The following TLR10 variants were observed in gnomAD, a reference collection of about 807,000 sequenced individuals.
The protein encoded by TLR10 is toll like receptor 10.
For synonymous variants in TLR10, 288 were observed against 338.8 expected (o/e 0.85, Z 1.65); for missense variants, 929 against 932.9 (o/e 1.00, Z 0.05).
chr4:38,781,980 C>G (rs1248546225), intron 1 of TLR10, among the ~76,000 whole-genome samples: 1 of 152,158 alleles, frequency 6.6e-6, no homozygotes, highest in East Asian at 1.9e-4. Context: ...CCCAAGATGA[C>G]CAACTGAAGA....
intron 1 of TLR10, among the ~76,000 whole-genome samples, chr4:38,777,295 GGA>G (rs200294965): frequency 1.3e-3 from 202 of 152,180 alleles, no homozygotes; most frequent in African/African-American, 4.6e-3. Context: ...AGAGTATTTT[GGA>G]GAGAGAGAGA....
At chr4:38,781,297 T>C (rs916769202) in intron 1 of TLR10, among the ~76,000 whole-genome samples, 1 of 152,122 alleles carries the variant, frequency 6.6e-6, no homozygotes, top group African/African-American at 2.4e-5. Flanking sequence ...TGAGCCACTG[T>C]GCTTGGCCTC....
At chr4:38,778,301 A>G (rs931988907) in intron 1 of TLR10, among the ~76,000 whole-genome samples, 1 of 152,096 alleles carries the variant, frequency 6.6e-6, no homozygotes, top group Non-Finnish European at 1.5e-5. Flanking sequence ...GGGCTAGGGG[A>G]GGAATAGCAT....
rs1724780660 is a variant in TLR10, at chr4:38,773,473, G to A, written c.2118C>T (p.Cys706=). The A allele has an allele frequency of 6.2e-7, 1 of 1,612,022 alleles. No individual in the cohort carries two copies. The highest frequency in any genetic ancestry group is 1.1e-5 in the South Asian group (1 of 90,694). ...GGTGGGCAAAGTAGAATTCATAATG[G>A]CACCACTCATTCTGGACAAAGTTGG... ...LSPNFVQNEW[C]HYEFYFAHHN... The change falls in exon 4 of 4, where the codon TGC becomes TGT. Residue 706 remains cysteine, a synonymous_variant. Coordinates refer to ENST00000308973, the MANE Select transcript of TLR10 (RefSeq NM_030956.4).
In TLR10 at chr4:38,775,541, G is replaced by T. The variant is rs1170355344; in HGVS notation, c.50C>A (p.Ala17Glu). 6.2e-7 allele frequency: 1 copy of T among 1,613,686 alleles called. No homozygotes were observed. Among genetic ancestry groups the T allele is most frequent in the Non-Finnish European group, 8.5e-7 (1 of 1,179,936 alleles). Residue 17 changes from alanine (A) to glutamate (E), a missense_variant, in exon 4 of 4, where the codon GCA becomes GAA. Physicochemically the swap from Ala to Glu is moderately radical, Grantham distance 107. Transcript: ENST00000308973. ...TGGCAGCTCTGGAGCATCACCCTCTGCTGTCATAACAATACTACAAAATAT... is the reference window on the plus strand; with the variant it reads ...TGGCAGCTCTGGAGCATCACCCTCTTCTGTCATAACAATACTACAAAATAT... ...IYIFCSIVMT[A>E]EGDAPELPEE...
At position 38,774,614 on chromosome 4, in the gene TLR10, A is replaced by G. The variant is rs11466653; in HGVS notation, c.977T>C (p.Met326Thr). Reference protein sequence around the residue: ...QDKIYLLLTKMDIENLTISNA... With the variant: ...QDKIYLLLTKTDIENLTISNA... Reference sequence around the variant, plus strand: ...TGATATTGTCAGGTTTTCTATGTCCATTTTGGTCAAAAGCAAATAGATTTT... The same window carrying G: ...TGATATTGTCAGGTTTTCTATGTCCGTTTTGGTCAAAAGCAAATAGATTTT... Residue 326 changes from methionine to threonine, a missense_variant, in exon 4 of 4, where the codon ATG becomes ACG. Physicochemically the swap from Met to Thr is moderately conservative, Grantham distance 81. Transcript: ENST00000308973. The G allele has an allele frequency of 0.041, 65,505 of 1,588,362 alleles. 2,771 individuals carry two copies. The highest frequency in any genetic ancestry group is 0.16 in the South Asian group (13,355 of 85,878).
chr4:38,782,840 T>G (rs1725491305), intron 1 of TLR10, 81 bp downstream of exon 1: 1 of 152,206 alleles, frequency 6.6e-6, no homozygotes, highest in Non-Finnish European at 1.5e-5. Context: ...TTAGCTCAAA[T>G]TATCTCCTTT....
intron 1 of TLR10, among the ~76,000 whole-genome samples, chr4:38,781,853 G>A (rs1348996831): frequency 2.0e-5 from 3 of 152,168 alleles, no homozygotes; most frequent in Non-Finnish European, 4.4e-5. Context: ...CTGACATGGA[G>A]CTAAGTGTTT....
chr4:38,773,910 C>G lies in TLR10; in HGVS notation c.1681G>C (p.Gly561Arg). 1 of 1,591,174 alleles carries G rather than the reference C, an allele frequency of 6.3e-7. No individual in the cohort carries two copies. The highest frequency in any genetic ancestry group is 1.3e-5 in the African/African-American group (1 of 74,300). ...YTCEYPLNLR[G>R]TRLKDVHLHE... ...AGATGAACGTCTTTTAACCTAGTTC[C>G]CCTTAGGTTTAAAGGGTATTCACAG... Residue 561 changes from glycine to arginine, a missense_variant, in exon 4 of 4, where the codon GGA becomes CGA. By Grantham distance (125) the Gly-to-Arg change is moderately radical. Transcript: ENST00000308973.
In TLR10 at chr4:38,774,931, T is replaced by G; in HGVS notation, c.660A>C (p.Thr220=). The G allele has an allele frequency of 6.2e-7, 1 of 1,612,458 alleles. No individual in the cohort carries two copies. The highest frequency in any genetic ancestry group is 1.1e-5 in the South Asian group (1 of 90,400). The part of the protein sequence containing the change: ...GIKTSKILEM[T]NIDGKSQFVS... ...CAAATTGGCTTTTGCCATCTATATT[T>G]GTCATTTCTAATATTTTTGAAGTCT... Residue 220 remains threonine, a synonymous_variant, in exon 4 of 4, where the codon ACA becomes ACC. Coordinates refer to ENST00000308973, the MANE Select transcript of TLR10 (RefSeq NM_030956.4).
At position 38,774,476 on chromosome 4, in the gene TLR10, G is replaced by A. The variant is rs1241470964; in HGVS notation, c.1115C>T (p.Pro372Leu). The A allele has an allele frequency of 1.2e-6, 2 of 1,602,760 alleles. No homozygotes were observed. Among genetic ancestry groups the A allele is most frequent in the Non-Finnish European group, 1.7e-6 (2 of 1,176,878 alleles). ...ATTCAAAATGAGAGTTTTCAAGTGA[G>A]GCAGTTGGATAGTTCTTTTAAACAA... ...DELFKRTIQL[P>L]HLKTLILNGN... Residue 372 changes from proline (P) to leucine (L), a missense_variant, in exon 4 of 4, where the codon CCT (proline) becomes CTT (leucine). Transcript: ENST00000308973.
chr4:38,775,503 G>T lies in TLR10; in HGVS notation c.88C>A (p.Leu30Met). The T allele has an allele frequency of 6.2e-7, 1 of 1,614,120 alleles. No homozygotes were observed. The highest frequency in any genetic ancestry group is 8.5e-7 in the Non-Finnish European group (1 of 1,180,026). ...DAPELPEERELMTNCSNMSLR... is the reference protein window; with the variant it reads ...DAPELPEEREMMTNCSNMSLR... ...GACATGTTGGAGCAGTTGGTCATCAGTTCCCTTTCTTCTGGCAGCTCTGGA... is the reference window on the plus strand; with the variant it reads ...GACATGTTGGAGCAGTTGGTCATCATTTCCCTTTCTTCTGGCAGCTCTGGA... Residue 30 changes from leucine to methionine, a missense_variant, in exon 4 of 4, where the codon CTG (leucine) becomes ATG (methionine). Leu to Met is a conservative substitution (Grantham distance 15, BLOSUM62 2). Transcript: ENST00000308973.
intron 1 of TLR10, among the ~76,000 whole-genome samples, chr4:38,781,281 G>A (rs73142637): frequency 0.096 from 14,535 of 152,050 alleles, 1,303 homozygotes; most frequent in South Asian, 0.22. Flanking sequence ...GGTGTGATTA[G>A]AGGTGTGAGC....
chr4:38,773,910 C>T lies in TLR10; in HGVS notation c.1681G>A (p.Gly561Arg), dbSNP rs745866816. 4.4e-6 allele frequency: 7 copies of T among 1,591,174 alleles called. No homozygotes were observed. Among genetic ancestry groups the T allele is most frequent in the Non-Finnish European group, 3.4e-6 (4 of 1,169,150 alleles). ...YTCEYPLNLR[G>R]TRLKDVHLHE... Reference sequence around the variant, plus strand: ...AGATGAACGTCTTTTAACCTAGTTCCCCTTAGGTTTAAAGGGTATTCACAG... The same window carrying T: ...AGATGAACGTCTTTTAACCTAGTTCTCCTTAGGTTTAAAGGGTATTCACAG... Residue 561 changes from glycine (G) to arginine (R), a missense_variant, in exon 4 of 4, where the codon GGA becomes AGA. Physicochemically the swap from Gly to Arg is moderately radical, Grantham distance 125 (BLOSUM62 -2). Transcript: ENST00000308973.
intron 1 of TLR10, among the ~76,000 whole-genome samples, chr4:38,781,070 C>T (rs1279541373): frequency 6.6e-6 from 1 of 152,168 alleles, no homozygotes; most frequent in Non-Finnish European, 1.5e-5. Flanking sequence ...ACAGTCTTAT[C>T]TGGGACTACA....
chr4:38,777,854 G>T (rs1378531676), intron 1 of TLR10, among the ~76,000 whole-genome samples: 1 of 152,154 alleles, frequency 6.6e-6, no homozygotes, highest in Non-Finnish European at 1.5e-5. Context: ...GTTGGTGGGG[G>T]TGTAAATTAG....
chr4:38,774,784 T>C lies in TLR10; in HGVS notation c.807A>G (p.Thr269=). The change falls in exon 4 of 4, where the codon ACA becomes ACG. Residue 269 remains threonine (T), a synonymous_variant. Coordinates refer to ENST00000308973, the MANE Select transcript of TLR10 (RefSeq NM_030956.4). ...LFLILQFVWH[T]SVEHFQIRNV... is the part of the protein sequence containing the mutation. ...TTCGGATCTGAAAGTGTTCCACTGA[T>C]GTATGCCAAACAAATTGTAAGATAA... 1 of 1,602,772 alleles carries C rather than the reference T, an allele frequency of 6.2e-7. No homozygotes were observed. Among genetic ancestry groups the C allele is most frequent in the South Asian group, 1.1e-5 (1 of 88,464 alleles).
chr4:38,782,277 A>C (rs537765383), intron 1 of TLR10, among the ~76,000 whole-genome samples: 5 of 152,334 alleles, frequency 3.3e-5, no homozygotes, highest in African/African-American at 1.2e-4. Flanking sequence ...TATTCTTAGG[A>C]AAGTTATAAG....
rs151335708 is a variant in TLR10, at chr4:38,774,451, A to G, written c.1140T>C (p.Asn380=). ...AAGAAAGTGTCTCCAGTTTATTGCC[A>G]TTCAAAATGAGAGTTTTCAAGTGAG... ...QLPHLKTLIL[N]GNKLETLSLV... Residue 380 remains asparagine (N), a synonymous_variant, in exon 4 of 4, where the codon AAT becomes AAC. Transcript: ENST00000308973. 575 of 1,611,892 alleles carry G rather than the reference A, an allele frequency of 3.6e-4. 1 individual carries two copies. The African/African-American group carries it at 7.0e-3, about 20-fold the overall frequency.
Sources: allele counts gnomAD v4.1 joint callset (sites outside exome capture counted in the v4.1 genomes callset), GRCh38; gene constraint gnomAD v4.1.1; transcripts MANE v1.5; gene names NCBI Gene and HGNC (gene_info 2026-07-23, HGNC 2026-07-21).